Variants in L2HGDH observed in about 807,000 individuals in gnomAD.
The protein encoded by L2HGDH is L-2-hydroxyglutarate dehydrogenase, mitochondrial.
Under a neutral mutation model 51.5 loss-of-function variants are expected in L2HGDH, and 34 were observed. That is an observed-to-expected ratio of 0.66 (90% CI 0.50 to 0.88). The LOEUF (loss-of-function observed/expected upper bound fraction) is 0.88, where lower values mean the gene tolerates loss of function less well. L2HGDH is among the 40% of genes least tolerant of loss of function. The probability of loss-of-function intolerance (pLI) is 0.00; values close to 1 mark genes in which losing one functional copy is unlikely to be tolerated. For missense variants in L2HGDH, 558 were observed against 571.9 expected, an observed-to-expected ratio of 0.98 and a Z score of 0.25; for synonymous variants, 198 against 197.9, an observed-to-expected ratio of 1.00 and a Z score of -0.01.
chr14:50,310,509 C>T (rs564914396), intron 1 of L2HGDH, among the ~76,000 whole-genome samples: 2 of 151,970 alleles, frequency 1.3e-5, no homozygotes, highest in African/African-American at 2.4e-5. Context: ...GGGTTCGAGA[C>T]CACCCTGGGC....
intron 9 of L2HGDH, among the ~76,000 whole-genome samples, chr14:50,261,991 C>G (rs1235515052): frequency 6.6e-6 from 1 of 152,160 alleles, no homozygotes; most frequent in African/African-American, 2.4e-5. Context: ...GGGAAACACA[C>G]CCCACTGAAA....
In L2HGDH at chr14:50,282,318, C is replaced by G. The variant is rs1890319824; in HGVS notation, c.703+1553G>C. On this transcript the variant is annotated intron_variant, in intron 5 of 9. Coordinates refer to ENST00000267436, the MANE Select transcript of L2HGDH (RefSeq NM_024884.3). Reference sequence around the variant, plus strand: ...AGAAACCCTTTCCTAGACCTCCCCTCTGCAATTACCTTGGTGTCCTACTTT... The same window carrying G: ...AGAAACCCTTTCCTAGACCTCCCCTGTGCAATTACCTTGGTGTCCTACTTT... 2.8e-5 allele frequency: 11 copies of G among 388,544 alleles called. 1 individual carries two copies. The highest frequency in any genetic ancestry group is 2.2e-4 in the South Asian group (11 of 50,850). 24.1% of individuals were successfully genotyped at this position (388,544 alleles called of 1,614,324 possible).
chr14:50,261,050 G>C (rs1566508009), intron 9 of L2HGDH, among the ~76,000 whole-genome samples: 1 of 151,992 alleles, frequency 6.6e-6, no homozygotes, highest in Non-Finnish European at 1.5e-5. Flanking sequence ...CCGGGAGGCA[G>C]AGGTTGCAGT....
chr14:50,291,791 C>CA (rs918773885), intron 4 of L2HGDH, among the ~76,000 whole-genome samples: 1 of 151,694 alleles, frequency 6.6e-6, no homozygotes, highest in African/African-American at 2.4e-5. Flanking sequence ...TAAAAATAAA[C>CA]AAAAAACACA....
At chr14:50,273,709 G>A (rs1413717850) in intron 6 of L2HGDH, among the ~76,000 whole-genome samples, 1 of 152,050 alleles carries the variant, frequency 6.6e-6, no homozygotes, top group Non-Finnish European at 1.5e-5. Flanking sequence ...CCATATATCT[G>A]ATAACAGGTT....
Position 50,278,529 on chromosome 14 carries a change from CT to C in L2HGDH, c.728del (p.Lys243ArgfsTer14). ...IDGMQYPIVI[K>X]NTKGEEIRCQ... ...GCTTAAGAATCTTTACCTTTGTATT[CT>C]TTATAACAATTGGATATTGCATTCC... is the stretch of plus-strand genomic sequence containing the variant. On this transcript the variant is annotated frameshift_variant, in exon 6 of 10. Coordinates refer to ENST00000267436, the MANE Select transcript of L2HGDH (RefSeq NM_024884.3). LOFTEE classifies it high-confidence loss of function. The C allele has an allele frequency of 6.7e-7, 1 of 1,494,754 alleles. No individual in the cohort carries two copies. The highest frequency in any genetic ancestry group is 9.3e-7 in the Non-Finnish European group (1 of 1,079,186). 92.6% of individuals were successfully genotyped at this position (1,494,754 alleles called of 1,614,324 possible). A position where few individuals can be genotyped will look rare whatever the true frequency, so the allele number is the denominator to read the frequency against.
intron 9 of L2HGDH, among the ~76,000 whole-genome samples, chr14:50,257,814 A>T (rs1888762755): frequency 1.4e-5 from 2 of 144,256 alleles, no homozygotes; most frequent in African/African-American, 2.6e-5. Context: ...AAGCATATTT[A>T]CTTTACAGTT....
chr14:50,279,833 G>C (rs1010946669), intron 5 of L2HGDH, among the ~76,000 whole-genome samples: 1 of 152,108 alleles, frequency 6.6e-6, no homozygotes, highest in Non-Finnish European at 1.5e-5. Flanking sequence ...GGCCGAAGTG[G>C]GTGGATCACC....
chr14:50,298,794 A>AC (rs2139204947), intron 3 of L2HGDH, among the ~76,000 whole-genome samples: 1 of 152,342 alleles, frequency 6.6e-6, no homozygotes, highest in African/African-American at 2.4e-5. Flanking sequence ...AACAAATGAA[A>AC]ATAGAAAGAC....
chr14:50,263,360 G>C (rs560593943), intron 9 of L2HGDH, among the ~76,000 whole-genome samples: 46 of 152,334 alleles, frequency 3.0e-4, no homozygotes, highest in Admixed American at 2.5e-3. Context: ...GTAGAGGAGT[G>C]AAAGAGATAA....
intron 2 of L2HGDH, 26 bp downstream of exon 2, chr14:50,302,876 A>G (rs1288746665): frequency 6.7e-7 from 1 of 1,483,448 alleles, no homozygotes; most frequent in Admixed American, 1.7e-5. Flanking sequence ...AGTAAGCCCA[A>G]AGAACAACAT....
intron 6 of L2HGDH, among the ~76,000 whole-genome samples, chr14:50,270,232 A>G (rs553931795): frequency 1.3e-5 from 2 of 152,286 alleles, no homozygotes; most frequent in South Asian, 2.1e-4. Context: ...ATGATTTCCT[A>G]TAAATTTTAT....
At chr14:50,289,854 C>A (rs568276400) in intron 4 of L2HGDH, among the ~76,000 whole-genome samples, 1 of 152,248 alleles carries the variant, frequency 6.6e-6, no homozygotes, top group African/African-American at 2.4e-5. Flanking sequence ...GAGAATGGAG[C>A]TTATGTCTGT....
In L2HGDH at chr14:50,244,613, T is replaced by C. The variant is rs2139916453; in HGVS notation, c.*2445A>G. ...GTCATTGATATCTGAATGCTTTTAA[T>C]ATACTCATCCTAAGAGTTGAATAAT... On this transcript the variant is annotated 3_prime_UTR_variant, in exon 10 of 10. Coordinates refer to ENST00000267436, the MANE Select transcript of L2HGDH (RefSeq NM_024884.3). 7.1e-6 allele frequency: 7 copies of C among 985,446 alleles called. No homozygotes were observed. Among genetic ancestry groups the C allele is most frequent in the Non-Finnish European group, 8.4e-6 (7 of 829,938 alleles). The allele number at this position is 985,446 out of a possible 1,614,324, so 61.0% of individuals were successfully genotyped here.
At position 50,252,098 on chromosome 14, in the gene L2HGDH, G is replaced by GAA. The variant is rs544855513; in HGVS notation, c.1197-4847_1197-4846dup. Among the ~76,000 whole-genome samples the GAA allele has an allele frequency of 3.3e-3, 472 of 143,240 alleles. 2 individuals carry two copies. Among genetic ancestry groups the GAA allele is most frequent in the African/African-American group, 0.011 (436 of 39,916 alleles). The allele number at this position is 143,240 out of a possible 152,430, so 94.0% of individuals were successfully genotyped here. A position where few individuals can be genotyped will look rare whatever the true frequency, so the allele number is the denominator to read the frequency against. On this transcript the variant is annotated intron_variant, in intron 9 of 9. Coordinates refer to ENST00000267436, the MANE Select transcript of L2HGDH (RefSeq NM_024884.3). ...CAGACAGTACAATAAGATATAAAGAGAAAAAAAAAAAATTAAAAGCCAAGG... is the reference window on the plus strand; with the variant it reads ...CAGACAGTACAATAAGATATAAAGAGAAAAAAAAAAAAAATTAAAAGCCAAGG...
At chr14:50,293,924 T>C (rs1595132853) in intron 4 of L2HGDH, among the ~76,000 whole-genome samples, 191 bp downstream of exon 4, 1 of 152,196 alleles carries the variant, frequency 6.6e-6, no homozygotes, top group African/African-American at 2.4e-5. Context: ...AGACCTGGTA[T>C]TTTCTCACAG....
At chr14:50,270,426 A>C (rs1889603822) in intron 6 of L2HGDH, among the ~76,000 whole-genome samples, 1 of 152,090 alleles carries the variant, frequency 6.6e-6, no homozygotes, top group African/African-American at 2.4e-5. Flanking sequence ...TTCCCAGATG[A>C]CCTATTTTTG....
Position 50,284,019 on chromosome 14 carries a change from A to G in L2HGDH, c.555T>C (p.Ile185=). 4 of 1,613,920 alleles carry G rather than the reference A, an allele frequency of 2.5e-6. No homozygotes were observed. The highest frequency in any genetic ancestry group is 3.4e-6 in the Non-Finnish European group (4 of 1,179,768). The change falls in exon 5 of 10, where the codon ATT becomes ATC. Residue 185 remains isoleucine (I), a synonymous_variant. Coordinates refer to ENST00000267436, the MANE Select transcript of L2HGDH (RefSeq NM_024884.3). ...CCACAATGCCAGTATGTGGACAATC[A>G]ATAGCCATTAGACCCTGAAACAGAA... ...KEPYCRGLMA[I]DCPHTGIVDY... is the part of the protein sequence containing the mutation.
At chr14:50,280,054 C>T (rs1350801318) in intron 5 of L2HGDH, among the ~76,000 whole-genome samples, 4 of 134,690 alleles carry the variant, frequency 3.0e-5, no homozygotes, top group African/African-American at 8.1e-5. Context: ...GGTGAGACTC[C>T]GTCTCAAAAG....
Sources: gnomAD v4.1 joint callset for allele counts (sites outside exome capture counted in the v4.1 genomes callset) on GRCh38, gnomAD v4.1.1 for gene constraint, MANE v1.5 for transcripts, NCBI Gene and HGNC (gene_info 2026-07-23, HGNC 2026-07-21) for gene names.